The following AXDND1 variants were observed in gnomAD, a reference collection of about 807,000 sequenced individuals.
AXDND1 encodes axonemal dynein light chain domain containing 1.
A neutral mutation model predicts 137.5 loss-of-function variants in AXDND1; 110 were observed. The ratio of observed to expected loss-of-function variants is 0.80; its 90% CI spans 0.69 to 0.94. The LOEUF (loss-of-function observed/expected upper bound fraction) is 0.94, where lower values mean the gene tolerates loss of function less well. AXDND1 is among the 40% of genes least tolerant of loss of function. AXDND1 has a pLI of 0.00. For missense variants in AXDND1, 1,191 were observed against 1,169.8 expected (o/e 1.02, Z -0.26); for synonymous variants, 414 against 399.7 (o/e 1.04, Z -0.43).
intron 2 of AXDND1, among the ~76,000 whole-genome samples, chr1:179,367,197 G>A (rs1667516623): frequency 6.6e-6 from 1 of 151,136 alleles, no homozygotes; most frequent in Non-Finnish European, 1.5e-5. Flanking sequence ...TTCCAGTCTG[G>A]GAGACAAGAG....
intron 25 of AXDND1, among the ~76,000 whole-genome samples, chr1:179,540,303 G>C (rs1195616832): frequency 6.6e-6 from 1 of 152,168 alleles, no homozygotes; most frequent in Non-Finnish European, 1.5e-5. Context: ...CAGCCTTTCT[G>C]TGCTGGTTTC....
intron 21 of AXDND1, among the ~76,000 whole-genome samples, chr1:179,518,366 A>G (rs1017914712): frequency 2.0e-5 from 3 of 149,660 alleles, no homozygotes; most frequent in African/African-American, 7.3e-5. Context: ...TTGAGGCTTT[A>G]TGATACATTT....
intron 12 of AXDND1, among the ~76,000 whole-genome samples, chr1:179,423,001 T>TGGGA (rs1273104682): frequency 6.6e-6 from 1 of 152,184 alleles, no homozygotes; most frequent in Non-Finnish European, 1.5e-5. Context: ...TGACCTCAAG[T>TGGGA]GATCCGCCCA....
intron 11 of AXDND1, among the ~76,000 whole-genome samples, chr1:179,400,700 A>G (rs1201617806): frequency 6.8e-6 from 1 of 147,272 alleles, no homozygotes; most frequent in Non-Finnish European, 1.5e-5. Context: ...TCAGGAGATC[A>G]ACACCATCCT....
intron 15 of AXDND1, among the ~76,000 whole-genome samples, chr1:179,438,324 G>A (rs1223687260): frequency 5.3e-5 from 8 of 152,144 alleles, no homozygotes; most frequent in Admixed American, 5.2e-4. Flanking sequence ...ATTTGCTGCT[G>A]CAACTGCAAG....
chr1:179,457,311 T>G, intron 16 of AXDND1: 2 of 626,098 alleles, frequency 3.2e-6, no homozygotes, highest in Non-Finnish European at 2.9e-6. Flanking sequence ...TTTGGGCTCT[T>G]TAGGAGACTC....
In AXDND1 at chr1:179,468,645, A is replaced by G. The variant is rs1421550549; in HGVS notation, c.1997+4A>G. ...ACATAGATGTGGATTCTGTTTCGTA[A>G]GTTCCCATAGGTTTCTTTTGTTCTG... On this transcript the variant is annotated splice_donor_region_variant and intron_variant, in intron 17 of 25. Coordinates refer to ENST00000367618, the MANE Select transcript of AXDND1 (RefSeq NM_144696.6). 6.3e-7 allele frequency: 1 copy of G among 1,587,948 alleles called. No individual in the cohort carries two copies. Among genetic ancestry groups the G allele is most frequent in the Non-Finnish European group, 8.5e-7 (1 of 1,170,444 alleles).
chr1:179,394,592 A>AAAAATAAAATAAAATAAAATAAAAT lies in AXDND1; in HGVS notation c.1005-485_1005-484insAAATAAAATAAAATAAAATAAAATA, dbSNP rs71111984. Reference sequence around the variant, plus strand: ...GTGACGGAGCGAGACCCTGTCTCAGAAAAATAAAATAAAATAAAATACAGA... The same window carrying AAAAATAAAATAAAATAAAATAAAAT: ...GTGACGGAGCGAGACCCTGTCTCAGAAAAATAAAATAAAATAAAATAAAATAAAATAAAATAAAATAAAATACAGA... On this transcript the variant is annotated intron_variant, in intron 10 of 25. Transcript: ENST00000367618. Among the ~76,000 whole-genome samples the AAAAATAAAATAAAATAAAATAAAAT allele has an allele frequency of 9.7e-4, 132 of 135,830 alleles. 6 individuals are homozygous for AAAAATAAAATAAAATAAAATAAAAT. Among genetic ancestry groups the AAAAATAAAATAAAATAAAATAAAAT allele is most frequent in the African/African-American group, 2.4e-3 (89 of 36,842 alleles). The allele number at this position is 135,830 out of a possible 152,430, so 89.1% of individuals were successfully genotyped here.
intron 20 of AXDND1, among the ~76,000 whole-genome samples, chr1:179,504,497 G>A (rs1668343833): frequency 6.6e-6 from 1 of 152,180 alleles, no homozygotes; most frequent in South Asian, 2.1e-4. Flanking sequence ...TCTGGAATGA[G>A]GATTTCAAGA....
chr1:179,389,691 C>G (rs1649827758), intron 9 of AXDND1, among the ~76,000 whole-genome samples: 1 of 152,102 alleles, frequency 6.6e-6, no homozygotes, highest in South Asian at 2.1e-4. Flanking sequence ...TTTTTCATCC[C>G]TAGAGTCTTC....
chr1:179,553,144 T>C (rs1219284675), intron 25 of AXDND1, among the ~76,000 whole-genome samples: 1 of 152,200 alleles, frequency 6.6e-6, no homozygotes, highest in Non-Finnish European at 1.5e-5. Context: ...AGGTACAAAA[T>C]TGTCTTTTGA....
intron 25 of AXDND1, among the ~76,000 whole-genome samples, chr1:179,536,726 T>C (rs1671589206): frequency 6.6e-6 from 1 of 152,192 alleles, no homozygotes; most frequent in Non-Finnish European, 1.5e-5. Flanking sequence ...AAATTTAAAA[T>C]AGATTTTTCC....
At chr1:179,531,655 A>T in intron 23 of AXDND1, among the ~76,000 whole-genome samples, 1 of 152,162 alleles carries the variant, frequency 6.6e-6, no homozygotes, top group East Asian at 1.9e-4. Flanking sequence ...TCCAAAGCTG[A>T]TAGGAGCACC....
In AXDND1 at chr1:179,389,017, C is replaced by T. The variant is rs548553130; in HGVS notation, c.863+3658C>T. On this transcript the variant is annotated intron_variant, in intron 9 of 25. Coordinates refer to ENST00000367618, the MANE Select transcript of AXDND1 (RefSeq NM_144696.6). ...TTGAGATGGAGTTTCACTCGTCACC[C>T]AGGCTACAGTGCAATGGCACGATCT... 7.4e-5 allele frequency among the ~76,000 whole-genome samples: 9 copies of T among 122,240 alleles called. No individual in the cohort carries two copies. In the South Asian group the frequency reaches 2.2e-3, roughly 30 times the overall value. The allele number at this position is 122,240 out of a possible 152,430, so 80.2% of individuals were successfully genotyped here.
intron 16 of AXDND1, chr1:179,447,442 A>G (rs894967191): frequency 1.3e-5 from 5 of 397,600 alleles, no homozygotes; most frequent in Non-Finnish European, 2.2e-5. Context: ...TGTATTTAAG[A>G]TAGTGTTGTC....
intron 20 of AXDND1, chr1:179,506,838 G>A: frequency 1.0e-6 from 1 of 985,348 alleles, no homozygotes. Flanking sequence ...ACCAGAGATA[G>A]CACTGCCGGT....
intron 25 of AXDND1, among the ~76,000 whole-genome samples, chr1:179,546,487 A>G (rs1351422807): frequency 6.6e-6 from 1 of 151,318 alleles, no homozygotes; most frequent in Non-Finnish European, 1.5e-5. Flanking sequence ...AGCAGAGTGG[A>G]GGGAGGAACT....
chr1:179,399,867 C>T (rs1258110910), intron 11 of AXDND1, among the ~76,000 whole-genome samples: 1 of 152,022 alleles, frequency 6.6e-6, no homozygotes, highest in Non-Finnish European at 1.5e-5. Flanking sequence ...AAATCAAAAC[C>T]ACAATGCAGT....
At chr1:179,549,529 C>A (rs1030785067) in intron 25 of AXDND1, among the ~76,000 whole-genome samples, 26 of 152,108 alleles carry the variant, frequency 1.7e-4, no homozygotes, top group African/African-American at 5.6e-4. Context: ...TGACAAAAAA[C>A]CAGTGTTATA....
Sources: gnomAD v4.1 joint callset for allele counts (sites outside exome capture counted in the v4.1 genomes callset) on GRCh38, gnomAD v4.1.1 for gene constraint, MANE v1.5 for transcripts, NCBI Gene and HGNC (gene_info 2026-07-23, HGNC 2026-07-21) for gene names.